PRKD1: variants seen among roughly 807,000 people sequenced by gnomAD.
The protein encoded by PRKD1 is protein kinase D1, also known as serine/threonine-protein kinase D1.
A neutral mutation model predicts 95.9 loss-of-function variants in PRKD1; 63 were observed. That is an observed-to-expected ratio of 0.66 (90% confidence interval 0.54 to 0.81). The LOEUF (loss-of-function observed/expected upper bound fraction) is 0.81. Among genes scored for constraint, PRKD1 ranks in the 30% least tolerant of loss-of-function variants. The pLI, the probability that PRKD1 is intolerant of heterozygous loss-of-function variation, is 0.00. For missense variants in PRKD1, 1,048 were observed against 1,165.3 expected (o/e 0.90, Z 1.47); for synonymous variants, 425 against 423.1 (o/e 1.00, Z -0.05).
chr14:29,889,196 C>A (rs1195845430), intron 1 of PRKD1, among the ~76,000 whole-genome samples: 2 of 152,182 alleles, frequency 1.3e-5, no homozygotes, highest in African/African-American at 4.8e-5. Flanking sequence ...GCATACGGAG[C>A]CTTTACTTCA....
Position 29,655,926 on chromosome 14 carries a change from T to A in PRKD1, c.696+7773A>T, listed in dbSNP as rs146703603. Among the ~76,000 whole-genome samples, 272 of 148,710 alleles carry A rather than the reference T, an allele frequency of 1.8e-3. 3 individuals are homozygous for A. In the East Asian group the frequency reaches 0.025, roughly 14 times the overall value. On this transcript the variant is annotated intron_variant, in intron 4 of 17. Transcript: ENST00000331968. ...CTAGAACTTAAAGTATAATAAAAAA[T>A]ATATATATATATTAAAAAAAGAAAA...
chr14:29,608,679 C>T (rs1271825161), intron 13 of PRKD1, among the ~76,000 whole-genome samples: 1 of 152,082 alleles, frequency 6.6e-6, no homozygotes, highest in Non-Finnish European at 1.5e-5. Context: ...TGTTTTCAGA[C>T]CTCAGTGATG....
At chr14:29,826,847 A>ATATG (rs1433162762) in intron 1 of PRKD1, among the ~76,000 whole-genome samples, 1 of 54,722 alleles carries the variant, frequency 1.8e-5, no homozygotes, top group Non-Finnish European at 3.1e-5. Context: ...ATACACACAT[A>ATATG]TATATATATA....
intron 1 of PRKD1, among the ~76,000 whole-genome samples, chr14:29,748,135 G>A (rs1344384143): frequency 6.6e-6 from 1 of 152,064 alleles, no homozygotes; most frequent in Admixed American, 6.6e-5. Flanking sequence ...TCTCACTGAA[G>A]AATTATTATT....
chr14:29,927,115 C>G, intron 1 of PRKD1, 134 bp downstream of exon 1: 11 of 993,546 alleles, frequency 1.1e-5, no homozygotes, highest in African/African-American at 1.7e-5. Context: ...CGGGGCCAGC[C>G]GCTTCCAGAG....
At position 29,849,705 on chromosome 14, in the gene PRKD1, C is replaced by T. The variant is rs557451417; in HGVS notation, c.264+77544G>A. 2.9e-4 allele frequency among the ~76,000 whole-genome samples: 44 copies of T among 152,024 alleles called. No homozygotes were observed. The South Asian group carries it at 9.1e-3, about 32-fold the overall frequency. On this transcript the variant is annotated intron_variant, in intron 1 of 17. Transcript: ENST00000331968. ...TTCCCCAAAATAGAGGCAAAGAACT[C>T]TATCCTAACTCATTCTATAAATCAA...
At chr14:29,587,835 T>C (rs1473436136) in intron 16 of PRKD1, among the ~76,000 whole-genome samples, 1 of 152,204 alleles carries the variant, frequency 6.6e-6, no homozygotes, top group African/African-American at 2.4e-5. Flanking sequence ...TTATTAAAAT[T>C]AAACATAATT....
intron 2 of PRKD1, among the ~76,000 whole-genome samples, chr14:29,708,207 G>C (rs977283905): frequency 6.6e-6 from 1 of 152,104 alleles, no homozygotes. Context: ...ATGAGGCAAT[G>C]GGGAGTTGAA....
intron 16 of PRKD1, among the ~76,000 whole-genome samples, chr14:29,590,806 T>A (rs1893099491): frequency 6.6e-6 from 1 of 152,214 alleles, no homozygotes; most frequent in Non-Finnish European, 1.5e-5. Context: ...TTATTTATTT[T>A]TTGAGACAGA....
chr14:29,741,520 C>T (rs931588979), intron 1 of PRKD1, among the ~76,000 whole-genome samples: 2 of 152,050 alleles, frequency 1.3e-5, no homozygotes, highest in South Asian at 4.1e-4. Context: ...ATAGCAAATG[C>T]TTTATATATG....
At chr14:29,791,200 G>C (rs1889530873) in intron 1 of PRKD1, among the ~76,000 whole-genome samples, 1 of 151,954 alleles carries the variant, frequency 6.6e-6, no homozygotes, top group African/African-American at 2.4e-5. Context: ...AAGTGAAACT[G>C]TCTCTGATTT....
At chr14:29,642,912 ATT>A (rs5807544) in intron 4 of PRKD1, among the ~76,000 whole-genome samples, 17 of 146,604 alleles carry the variant, frequency 1.2e-4, no homozygotes, top group African/African-American at 3.3e-4. Context: ...CTGCAGAATG[ATT>A]TTTTTTTTTT....
intron 1 of PRKD1, among the ~76,000 whole-genome samples, chr14:29,739,742 T>C (rs1594474268): frequency 6.6e-6 from 1 of 152,310 alleles, no homozygotes; most frequent in African/African-American, 2.4e-5. Flanking sequence ...ATGTTGTGTA[T>C]CAAGTATTGC....
At chr14:29,829,399 C>G (rs1318441107) in intron 1 of PRKD1, among the ~76,000 whole-genome samples, 1 of 152,104 alleles carries the variant, frequency 6.6e-6, no homozygotes. Flanking sequence ...TATTTCAGTA[C>G]CAGATTTTCC....
At chr14:29,642,163 C>A (rs1297556072) in intron 4 of PRKD1, among the ~76,000 whole-genome samples, 1 of 152,128 alleles carries the variant, frequency 6.6e-6, no homozygotes, top group East Asian at 1.9e-4. Context: ...TCGAGCCTCC[C>A]AAAGTGCTGG....
In PRKD1 at chr14:29,772,471, C is replaced by T. The variant is rs542816288; in HGVS notation, c.265-46797G>A. 2.0e-5 allele frequency among the ~76,000 whole-genome samples: 3 copies of T among 152,218 alleles called. No homozygotes were observed. The South Asian group carries it at 6.2e-4, about 32-fold the overall frequency. On this transcript the variant is annotated intron_variant, in intron 1 of 17. Transcript: ENST00000331968. ...ATACATTTCTGTTGTTTATCAGTCA[C>T]CCAGTCAAAGGTATTTTGTTATAGC...
intron 1 of PRKD1, among the ~76,000 whole-genome samples, chr14:29,728,742 T>C (rs1006358454): frequency 6.6e-6 from 1 of 152,198 alleles, no homozygotes; most frequent in African/African-American, 2.4e-5. Context: ...ATGAACATTA[T>C]GTACAAGTGT....
At chr14:29,784,361 C>T (rs1003660943) in intron 1 of PRKD1, among the ~76,000 whole-genome samples, 1 of 152,018 alleles carries the variant, frequency 6.6e-6, no homozygotes, top group African/African-American at 2.4e-5. Flanking sequence ...CTCAGTACTG[C>T]TTTGAGTATT....
In PRKD1 at chr14:29,846,287, C is replaced by T. The variant is rs571743131; in HGVS notation, c.264+80962G>A. Among the ~76,000 whole-genome samples, 174 of 152,086 alleles carry T rather than the reference C, an allele frequency of 1.1e-3. 1 individual carries two copies. Among genetic ancestry groups the T allele is most frequent in the South Asian group, 9.8e-3 (47 of 4,816 alleles). On this transcript the variant is annotated intron_variant, in intron 1 of 17. Transcript: ENST00000331968. ...ATACAATTTCAGGTGGTAATAAGTGCTCCAAAAAAACTGATAAGGAAAAAA... is the reference window on the plus strand; with the variant it reads ...ATACAATTTCAGGTGGTAATAAGTGTTCCAAAAAAACTGATAAGGAAAAAA...
Sources: allele counts gnomAD v4.1 joint callset (sites outside exome capture counted in the v4.1 genomes callset), GRCh38; gene constraint gnomAD v4.1.1; transcripts MANE v1.5; gene names NCBI Gene and HGNC (gene_info 2026-07-23, HGNC 2026-07-21).